The following ADAM32 variants were observed in gnomAD, a reference collection of about 807,000 sequenced individuals.
ADAM32 encodes ADAM metallopeptidase domain 32.
ADAM32 carries 89 observed loss-of-function variants against 114.9 expected under a neutral mutation model. That is an observed-to-expected ratio of 0.77 (90% CI 0.65 to 0.92). The LOEUF (loss-of-function observed/expected upper bound fraction) is 0.92. Among genes scored for constraint, ADAM32 ranks in the 40% least tolerant of loss-of-function variants. ADAM32 has a pLI of 0.00. For synonymous variants in ADAM32, 285 were observed against 307.5 expected (o/e 0.93, Z 0.77); for missense variants, 870 against 932.8 (o/e 0.93, Z 0.88).
intron 2 of ADAM32, among the ~76,000 whole-genome samples, chr8:39,132,821 A>G (rs1278424022): frequency 6.6e-6 from 1 of 152,098 alleles, no homozygotes; most frequent in Non-Finnish European, 1.5e-5. Flanking sequence ...CAAATGAACA[A>G]TCTGCCACTA....
intron 20 of ADAM32, among the ~76,000 whole-genome samples, chr8:39,271,796 G>A (rs1429776713): frequency 6.6e-6 from 1 of 151,998 alleles, no homozygotes; most frequent in Non-Finnish European, 1.5e-5. Flanking sequence ...TTGAAAATGG[G>A]TAGTTAAGTG....
intron 10 of ADAM32, among the ~76,000 whole-genome samples, chr8:39,185,881 C>CTT (rs35894360): frequency 2.8e-4 from 41 of 148,176 alleles, no homozygotes; most frequent in Admixed American, 1.5e-3. Context: ...GTCATTAAAA[C>CTT]TTTTTTTTTT....
In ADAM32 at chr8:39,257,173, A is replaced by G. The variant is rs752746787; in HGVS notation, c.2006-14A>G. ...AATTTTTTTGTTTTTTTTTTTTTGT[A>G]TTTCTGTTTTTAGGTTCAATCATGG... On this transcript the variant is annotated splice_polypyrimidine_tract_variant and intron_variant, in intron 18 of 24. Transcript: ENST00000379907. 1.1e-5 allele frequency: 15 copies of G among 1,371,492 alleles called. No individual in the cohort carries two copies. The highest frequency in any genetic ancestry group is 5.9e-5 in the South Asian group (3 of 51,172). 85.0% of individuals were successfully genotyped at this position (1,371,492 alleles called of 1,614,324 possible). A position where few individuals can be genotyped will look rare whatever the true frequency, so the allele number is the denominator to read the frequency against.
At chr8:39,170,073 C>A (rs1426775900) in intron 10 of ADAM32, 76 bp downstream of exon 10, 4 of 1,117,664 alleles carry the variant, frequency 3.6e-6, no homozygotes, top group South Asian at 3.7e-5. Context: ...ATATTTTGTA[C>A]AATTTATGTG....
intron 1 of ADAM32, 200 bp downstream of exon 1, chr8:39,108,033 C>T: frequency 1.5e-6 from 1 of 674,332 alleles, no homozygotes; most frequent in East Asian, 3.3e-5. Flanking sequence ...CCTGTAATCC[C>T]AGGGCTTTGA....
chr8:39,237,918 T>C (rs1810289431), intron 16 of ADAM32, among the ~76,000 whole-genome samples: 1 of 152,170 alleles, frequency 6.6e-6, no homozygotes, highest in African/African-American at 2.4e-5. Context: ...CCCCCTATAC[T>C]ACTACAGCTG....
intron 14 of ADAM32, among the ~76,000 whole-genome samples, chr8:39,227,138 G>C (rs111866988): frequency 3.3e-5 from 5 of 152,284 alleles, no homozygotes; most frequent in Non-Finnish European, 7.3e-5. Flanking sequence ...TCTAAAGGAA[G>C]TGGACTGCTC....
chr8:39,257,237 G>A lies in ADAM32; in HGVS notation c.2056G>A (p.Gly686Ser), dbSNP rs1811709109. Residue 686 changes from glycine (G) to serine (S), a missense_variant, in exon 19 of 25, where the codon GGT becomes AGT. Physicochemically the swap from Gly to Ser is moderately conservative, Grantham distance 56. Transcript: ENST00000379907. ...GAAGACTGAAAACACCTGGCTTCTA[G>A]GTTTCCTCATTGCTCTTCCTATTCT... ...SGKTENTWLL[G>S]FLIALPILIV... The A allele has an allele frequency of 6.2e-7, 1 of 1,611,612 alleles. No homozygotes were observed. The highest frequency in any genetic ancestry group is 8.5e-7 in the Non-Finnish European group (1 of 1,178,892).
intron 18 of ADAM32, among the ~76,000 whole-genome samples, chr8:39,254,718 T>A (rs894903681): frequency 4.0e-5 from 6 of 151,752 alleles, no homozygotes; most frequent in Admixed American, 6.6e-5. Flanking sequence ...TCAATTAATT[T>A]TTTTTATTTC....
At chr8:39,201,006 A>G (rs1333180083) in intron 11 of ADAM32, among the ~76,000 whole-genome samples, 3 of 152,098 alleles carry the variant, frequency 2.0e-5, no homozygotes, top group Non-Finnish European at 2.9e-5. Context: ...TACCAGTATC[A>G]TGCTGTTTTG....
At chr8:39,137,491 C>T (rs1455075061) in intron 3 of ADAM32, among the ~76,000 whole-genome samples, 1 of 151,992 alleles carries the variant, frequency 6.6e-6, no homozygotes, top group African/African-American at 2.4e-5. Context: ...ACAAGCTGGG[C>T]GCGGTGGCTT....
At chr8:39,205,232 C>G (rs918996704) in intron 11 of ADAM32, among the ~76,000 whole-genome samples, 1 of 152,240 alleles carries the variant, frequency 6.6e-6, no homozygotes, top group African/African-American at 2.4e-5. Flanking sequence ...GAGGTGGAGT[C>G]TACAGAGGCA....
chr8:39,258,985 A>C (rs1207326290), intron 19 of ADAM32, among the ~76,000 whole-genome samples: 1 of 152,142 alleles, frequency 6.6e-6, no homozygotes, highest in Non-Finnish European at 1.5e-5. Context: ...TTTACCTGGT[A>C]CAACTTTTTT....
At chr8:39,270,229 T>A (rs975325835) in intron 19 of ADAM32, among the ~76,000 whole-genome samples, 4 of 152,220 alleles carry the variant, frequency 2.6e-5, no homozygotes, top group African/African-American at 9.6e-5. Context: ...CCATGCATGG[T>A]GTTCAAGAAT....
At chr8:39,127,984 G>C (rs1387789414) in intron 2 of ADAM32, among the ~76,000 whole-genome samples, 1 of 151,880 alleles carries the variant, frequency 6.6e-6, no homozygotes, top group Non-Finnish European at 1.5e-5. Context: ...GTACTTGTGT[G>C]GTTTTGACTG....
intron 14 of ADAM32, among the ~76,000 whole-genome samples, chr8:39,224,636 A>G (rs1809221576): frequency 6.6e-6 from 1 of 151,870 alleles, no homozygotes; most frequent in African/African-American, 2.4e-5. Flanking sequence ...TTACTGATAT[A>G]TTTTGGAAAT....
At chr8:39,227,035 G>T (rs771620032) in intron 14 of ADAM32, among the ~76,000 whole-genome samples, 1 of 152,144 alleles carries the variant, frequency 6.6e-6, no homozygotes, top group Non-Finnish European at 1.5e-5. Context: ...TTACAGCTCC[G>T]GAAGGGACAG....
At chr8:39,136,174 GTAGAGA>G (rs1347178376) in intron 2 of ADAM32, among the ~76,000 whole-genome samples, 3 of 152,142 alleles carry the variant, frequency 2.0e-5, no homozygotes, top group Admixed American at 6.6e-5. Context: ...CTTGAAAATA[GTAGAGA>G]TAAAGTCAAA....
chr8:39,245,010 CTTAA>C (rs1465847715), intron 16 of ADAM32, among the ~76,000 whole-genome samples: 2 of 152,026 alleles, frequency 1.3e-5, no homozygotes, highest in Admixed American at 1.3e-4. Flanking sequence ...ATAGATGGGA[CTTAA>C]TTAAACTAAA....
Sources: gnomAD v4.1 joint callset for allele counts (sites outside exome capture counted in the v4.1 genomes callset) on GRCh38, gnomAD v4.1.1 for gene constraint, MANE v1.5 for transcripts, NCBI Gene and HGNC (gene_info 2026-07-23, HGNC 2026-07-21) for gene names.